The following ZNF536 variants were observed in gnomAD, a reference collection of about 807,000 sequenced individuals.
ZNF536 encodes zinc finger protein 536.
Under a neutral mutation model 84.5 loss-of-function variants are expected in ZNF536, and 13 were observed. The ratio of observed to expected loss-of-function variants is 0.15; its 90% CI spans 0.10 to 0.24. The LOEUF (loss-of-function observed/expected upper bound fraction) is 0.24. Ranked by LOEUF, ZNF536 falls within the 10% of genes least tolerant of loss-of-function variation. The probability of loss-of-function intolerance (pLI) is 1.00; values close to 1 mark genes in which losing one functional copy is unlikely to be tolerated. For missense variants in ZNF536, 1,536 were observed against 1,747.5 expected (o/e 0.88, Z 2.16); for synonymous variants, 811 against 742.5 (o/e 1.09, Z -1.50).
chr19:30,338,199 T>C (rs965526327), intron 2 of ZNF536, among the ~76,000 whole-genome samples: 2 of 151,908 alleles, frequency 1.3e-5, no homozygotes, highest in African/African-American at 4.8e-5. Flanking sequence ...GTGGTGATGA[T>C]GTTGATGGTG....
At chr19:30,555,803 C>T (rs1474635322) in intron 4 of ZNF536, 1 of 152,212 alleles carries the variant, frequency 6.6e-6, no homozygotes, top group Non-Finnish European at 1.5e-5. Context: ...GCCCAGAAGC[C>T]AGCAGGTTCT....
intron 1 of ZNF536, among the ~76,000 whole-genome samples, chr19:30,246,425 C>A (rs960518609): frequency 1.3e-5 from 2 of 152,198 alleles, no homozygotes; most frequent in Admixed American, 6.5e-5. Flanking sequence ...AAATGTTTTC[C>A]TTTTATCCAT....
intron 2 of ZNF536, among the ~76,000 whole-genome samples, chr19:30,518,580 C>G (rs2044186815): frequency 6.6e-6 from 1 of 152,172 alleles, no homozygotes. Context: ...ATTAGCATCC[C>G]AGGATGATGT....
intron 3 of ZNF536, among the ~76,000 whole-genome samples, chr19:30,360,144 G>T (rs2048228850): frequency 6.6e-6 from 1 of 152,234 alleles, no homozygotes; most frequent in South Asian, 2.1e-4. Context: ...TAGCTGCTGA[G>T]CATTTCCTTC....
intron 2 of ZNF536, among the ~76,000 whole-genome samples, chr19:30,521,239 G>C (rs10164331): frequency 6.6e-6 from 1 of 152,222 alleles, no homozygotes; most frequent in Admixed American, 6.5e-5. Flanking sequence ...AAAGTGGCCC[G>C]TGTGTCTCCC....
At chr19:30,652,020 C>T (rs2147463518) in intron 1 of ZNF536, among the ~76,000 whole-genome samples, 1 of 152,332 alleles carries the variant, frequency 6.6e-6, no homozygotes, top group South Asian at 2.1e-4. Flanking sequence ...ATCTTGTCTG[C>T]TGAAATGTCT....
At chr19:30,579,874 G>T (rs540169069) in intron 1 of ZNF536, among the ~76,000 whole-genome samples, 1 of 152,252 alleles carries the variant, frequency 6.6e-6, no homozygotes, top group Admixed American at 6.5e-5. Flanking sequence ...ACAACCACCT[G>T]CTTTACCACC....
Position 30,342,564 on chromosome 19 carries a change from GA to G in ZNF536, c.-119-9803del, listed in dbSNP as rs1326337271. Among the ~76,000 whole-genome samples, 3 of 152,130 alleles carry G rather than the reference GA, an allele frequency of 2.0e-5. No individual in the cohort carries two copies. The East Asian group carries it at 5.8e-4, about 29-fold the overall frequency. On this transcript the variant is annotated intron_variant, in intron 2 of 5. Transcript: ENST00000585628. The stretch of plus-strand genomic sequence containing the variant: ...ACAGGAAAAGACAAACTGCTACAAA[GA>G]CCTCTTCAGTATGAAGCTAACAGTA...
At chr19:30,701,162 ACATCTGGTG>A (rs2051933755) in intron 1 of ZNF536, among the ~76,000 whole-genome samples, 1 of 152,072 alleles carries the variant, frequency 6.6e-6, no homozygotes, top group African/African-American at 2.4e-5. Flanking sequence ...AAGGGGAGTG[ACATCTGGTG>A]CATGTGCTAT....
At chr19:30,564,415 A>G (rs1161893609) in intron 1 of ZNF536, among the ~76,000 whole-genome samples, 2 of 151,850 alleles carry the variant, frequency 1.3e-5, no homozygotes, top group African/African-American at 4.8e-5. Context: ...ATGGGTAAAG[A>G]GGAGAGAGAG....
At chr19:30,681,130 C>CCA (rs1179786982) in intron 1 of ZNF536, among the ~76,000 whole-genome samples, 1 of 152,154 alleles carries the variant, frequency 6.6e-6, no homozygotes, top group Non-Finnish European at 1.5e-5. Flanking sequence ...CCAGGGGCAA[C>CCA]CACACTTGAT....
chr19:30,238,677 T>C (rs924431497), intron 1 of ZNF536, among the ~76,000 whole-genome samples: 1 of 151,904 alleles, frequency 6.6e-6, no homozygotes, highest in African/African-American at 2.4e-5. Flanking sequence ...TATCTATCTG[T>C]CTGTCTGTCT....
chr19:30,284,882 T>C (rs1324721337), intron 2 of ZNF536, among the ~76,000 whole-genome samples: 4 of 152,216 alleles, frequency 2.6e-5, no homozygotes, highest in Non-Finnish European at 5.9e-5. Flanking sequence ...TTTTTTTTTA[T>C]TGTGACTTTA....
At chr19:30,709,413 C>T (rs1047517116) in intron 1 of ZNF536, among the ~76,000 whole-genome samples, 9 of 152,122 alleles carry the variant, frequency 5.9e-5, no homozygotes, top group Non-Finnish European at 1.3e-4. Flanking sequence ...GGTGACACCC[C>T]TCACTCACCC....
At chr19:30,310,141 G>A (rs1600168720) in intron 2 of ZNF536, among the ~76,000 whole-genome samples, 1 of 152,250 alleles carries the variant, frequency 6.6e-6, no homozygotes, top group Non-Finnish European at 1.5e-5. Context: ...TGGTCTTTCC[G>A]TGGGTATTAT....
At chr19:30,247,039 T>C (rs2024318524) in intron 1 of ZNF536, among the ~76,000 whole-genome samples, 1 of 152,234 alleles carries the variant, frequency 6.6e-6, no homozygotes, top group Non-Finnish European at 1.5e-5. Flanking sequence ...CCCTGGGTTC[T>C]TCCAGCTTTC....
intron 3 of ZNF536, among the ~76,000 whole-genome samples, chr19:30,357,157 G>T (rs2048122207): frequency 6.6e-6 from 1 of 152,244 alleles, no homozygotes; most frequent in Admixed American, 6.5e-5. Context: ...AATGGGTGGG[G>T]AAGGACAGGG....
chr19:30,711,807 G>A (rs1441320645), exon 2 of ZNF536: 1 of 152,020 alleles, frequency 6.6e-6, no homozygotes, highest in Non-Finnish European at 1.5e-5. Context: ...TTAAAAAAAA[G>A]TAGGGTACAT....
At chr19:30,708,681 T>C (rs974928095) in intron 1 of ZNF536, among the ~76,000 whole-genome samples, 1 of 152,184 alleles carries the variant, frequency 6.6e-6, no homozygotes, top group African/African-American at 2.4e-5. Context: ...GGATTAGTCC[T>C]GGACACCAGT....
Sources: allele counts gnomAD v4.1 joint callset (sites outside exome capture counted in the v4.1 genomes callset), GRCh38; gene constraint gnomAD v4.1.1; transcripts MANE v1.5; gene names NCBI Gene and HGNC (gene_info 2026-07-23, HGNC 2026-07-21).